The following CNTN4 variants were observed in gnomAD, a reference collection of about 807,000 sequenced individuals.
CNTN4 encodes the protein contactin 4.
CNTN4 carries 77 observed loss-of-function variants against 122.5 expected under a neutral mutation model. The ratio of observed to expected loss-of-function variants is 0.63; its 90% confidence interval spans 0.52 to 0.76. CNTN4 has a LOEUF of 0.76. Among genes scored for constraint, CNTN4 ranks in the 30% least tolerant of loss-of-function variants. The pLI is 0.00. For missense variants in CNTN4, 1,256 were observed against 1,259.1 expected (o/e 1.00, Z 0.04); for synonymous variants, 512 against 447.0 (o/e 1.15, Z -1.83).
intron 3 of CNTN4, among the ~76,000 whole-genome samples, chr3:2,379,706 T>TA (rs1389766679): frequency 6.6e-6 from 1 of 152,186 alleles, no homozygotes; most frequent in Non-Finnish European, 1.5e-5. Context: ...GGGAACATTA[T>TA]ATAACCTCTC....
intron 3 of CNTN4, among the ~76,000 whole-genome samples, chr3:2,455,424 G>T (rs1330737383): frequency 3.3e-5 from 5 of 152,064 alleles, no homozygotes; most frequent in Admixed American, 3.3e-4. Context: ...ACAGCAAAAA[G>T]AAGAGAGTTA....
At chr3:2,822,170 T>G (rs1265774511) in intron 7 of CNTN4, among the ~76,000 whole-genome samples, 2 of 152,200 alleles carry the variant, frequency 1.3e-5, no homozygotes, top group Non-Finnish European at 2.9e-5. Flanking sequence ...GAAAATGGGA[T>G]TATTCTTCAG....
At position 2,346,207 on chromosome 3, in the gene CNTN4, C is replaced by T. The variant is rs182718920; in HGVS notation, c.-89+6974C>T. ...TAATTCCATTAATTTCTTATTATTT[C>T]GGACGTTTCACTGTTTTCATTTTTA... On this transcript the variant is annotated intron_variant, in intron 3 of 24. Transcript: ENST00000418658. Among the ~76,000 whole-genome samples the T allele has an allele frequency of 3.9e-5, 6 of 152,122 alleles. No individual in the cohort carries two copies. In the East Asian group the frequency reaches 1.2e-3, roughly 29 times the overall value.
intron 12 of CNTN4, among the ~76,000 whole-genome samples, chr3:2,925,163 C>G (rs1284701456): frequency 1.3e-5 from 2 of 152,098 alleles, no homozygotes; most frequent in Non-Finnish European, 2.9e-5. Flanking sequence ...CAAATTATAC[C>G]TCAAAGTTTA....
intron 2 of CNTN4, among the ~76,000 whole-genome samples, chr3:2,218,522 G>A (rs542295803): frequency 4.9e-4 from 74 of 152,146 alleles, no homozygotes; most frequent in African/African-American, 1.1e-3. Flanking sequence ...GCAATATAGT[G>A]AGAATCCATA....
chr3:2,568,884 T>A (rs2149477950), intron 3 of CNTN4, among the ~76,000 whole-genome samples: 1 of 152,352 alleles, frequency 6.6e-6, no homozygotes, highest in South Asian at 2.1e-4. Flanking sequence ...TATCAGGTAA[T>A]TGGATACATT....
At chr3:2,559,715 T>A (rs2078868783) in intron 3 of CNTN4, among the ~76,000 whole-genome samples, 1 of 152,170 alleles carries the variant, frequency 6.6e-6, no homozygotes, top group Admixed American at 6.6e-5. Flanking sequence ...GAAAATGATT[T>A]TATACCAAAT....
chr3:2,289,981 A>AT (rs71621479), intron 2 of CNTN4, among the ~76,000 whole-genome samples: 1 of 152,064 alleles, frequency 6.6e-6, no homozygotes, highest in Admixed American at 6.6e-5. Flanking sequence ...AGTATTTAGT[A>AT]TTTTTTAGAT....
chr3:2,142,589 C>A (rs930204997), intron 2 of CNTN4, among the ~76,000 whole-genome samples: 3 of 152,232 alleles, frequency 2.0e-5, no homozygotes, highest in Middle Eastern at 3.4e-3. Flanking sequence ...GTGATCTGCC[C>A]GCCTCGGCCT....
intron 6 of CNTN4, among the ~76,000 whole-genome samples, chr3:2,775,482 C>T (rs529915683): frequency 4.6e-5 from 7 of 152,244 alleles, no homozygotes; most frequent in Admixed American, 1.3e-4. Context: ...TGCAGTGGCA[C>T]GATCTCGGCC....
At chr3:2,143,440 T>C (rs2035097358) in intron 2 of CNTN4, among the ~76,000 whole-genome samples, 1 of 152,200 alleles carries the variant, frequency 6.6e-6, no homozygotes, top group Admixed American at 6.5e-5. Flanking sequence ...CATATTCTCC[T>C]TAGATAATTA....
chr3:3,012,854 G>A (rs1317224834), intron 14 of CNTN4, among the ~76,000 whole-genome samples: 2 of 151,938 alleles, frequency 1.3e-5, no homozygotes, highest in Non-Finnish European at 2.9e-5. Flanking sequence ...TGTAATCCCA[G>A]CTACTCAGGA....
intron 7 of CNTN4, among the ~76,000 whole-genome samples, chr3:2,822,106 T>C (rs1029963492): frequency 1.1e-4 from 17 of 152,324 alleles, no homozygotes; most frequent in African/African-American, 4.1e-4. Context: ...TTAGGATTTC[T>C]GGTTTTTGAA....
chr3:2,383,710 C>T (rs527904391), intron 3 of CNTN4, among the ~76,000 whole-genome samples: 15 of 149,492 alleles, frequency 1.0e-4, no homozygotes, highest in Admixed American at 1.0e-3. Context: ...TCTTTCCCTC[C>T]CTCTCCTTCT....
chr3:2,210,315 A>G (rs1397020076), intron 2 of CNTN4, among the ~76,000 whole-genome samples: 2 of 152,204 alleles, frequency 1.3e-5, no homozygotes, highest in African/African-American at 2.4e-5. Flanking sequence ...ATAAAAACTT[A>G]TTATTATTGT....
rs560776729 is a variant in CNTN4 at position 2,648,923 on chromosome 3, T to C, written c.55+77365T>C. Among the ~76,000 whole-genome samples the C allele has an allele frequency of 2.1e-4, 32 of 152,200 alleles. 1 individual carries two copies. Among genetic ancestry groups the C allele is most frequent in the Non-Finnish European group, 3.8e-4 (26 of 68,046 alleles). ...TAAGAAATTAATACAGTCTTATTGC[T>C]GATATGGCAAAGTTTGAGTAGTCTG... On this transcript the variant is annotated intron_variant, in intron 4 of 24. Coordinates refer to ENST00000418658, the MANE Select transcript of CNTN4 (RefSeq NM_175607.3).
chr3:2,732,034 G>T (rs2088722703), intron 4 of CNTN4, among the ~76,000 whole-genome samples: 2 of 152,164 alleles, frequency 1.3e-5, no homozygotes, highest in South Asian at 4.1e-4. Flanking sequence ...ATAACTTTCT[G>T]TTCCTGGATG....
intron 3 of CNTN4, among the ~76,000 whole-genome samples, chr3:2,359,268 A>C (rs1303544038): frequency 6.6e-6 from 1 of 151,762 alleles, no homozygotes. Context: ...TTATTTTCTG[A>C]TTGGAGAGAA....
At chr3:2,700,095 A>G (rs2086275222) in intron 4 of CNTN4, among the ~76,000 whole-genome samples, 1 of 152,152 alleles carries the variant, frequency 6.6e-6, no homozygotes, top group Non-Finnish European at 1.5e-5. Context: ...CCACAGAGAA[A>G]TTACACAGCA....
Sources: gnomAD v4.1 joint callset for allele counts (sites outside exome capture counted in the v4.1 genomes callset) on GRCh38, gnomAD v4.1.1 for gene constraint, MANE v1.5 for transcripts, NCBI Gene and HGNC (gene_info 2026-07-23, HGNC 2026-07-21) for gene names.